The following ZNF385D variants were observed in gnomAD, a reference collection of about 807,000 sequenced individuals.
ZNF385D encodes the protein zinc finger protein 659.
A neutral mutation model predicts 35.8 loss-of-function variants in ZNF385D; 15 were observed. The observed-to-expected ratio is 0.42, with a 90% CI of 0.28 to 0.64. The LOEUF is 0.64. ZNF385D is among the 30% of genes least tolerant of loss of function. The probability of loss-of-function intolerance (pLI) is 0.23; values close to 1 mark genes in which losing one functional copy is unlikely to be tolerated. For missense variants in ZNF385D, 474 were observed against 494.6 expected (o/e 0.96, Z 0.39); for synonymous variants, 212 against 186.8 (o/e 1.13, Z -1.10).
chr3:21,563,331 T>A (rs927127412), intron 3 of ZNF385D: 1 of 152,426 alleles, frequency 6.6e-6, no homozygotes, highest in Non-Finnish European at 1.5e-5. Flanking sequence ...AATAAATTTC[T>A]GTTGTTTATA....
chr3:22,033,856 T>TA (rs1278853418), intron 3 of ZNF385D, among the ~76,000 whole-genome samples: 3 of 152,110 alleles, frequency 2.0e-5, no homozygotes, highest in Non-Finnish European at 4.4e-5. Flanking sequence ...TTCTCTAAAT[T>TA]AAAATCTATA....
At chr3:22,251,101 T>A (rs1055140603) in intron 2 of ZNF385D, among the ~76,000 whole-genome samples, 2 of 152,140 alleles carry the variant, frequency 1.3e-5, no homozygotes, top group African/African-American at 4.8e-5. Flanking sequence ...ATTTCAGTAT[T>A]TATTCAGGTT....
At chr3:22,279,506 A>ATG (rs1373617265) in intron 2 of ZNF385D, among the ~76,000 whole-genome samples, 1 of 138,296 alleles carries the variant, frequency 7.2e-6, no homozygotes, top group African/African-American at 3.1e-5. Context: ...ATATGTACAT[A>ATG]TATATGTATA....
chr3:21,897,155 T>G (rs1311362230), intron 3 of ZNF385D, among the ~76,000 whole-genome samples: 1 of 152,160 alleles, frequency 6.6e-6, no homozygotes, highest in Non-Finnish European at 1.5e-5. Flanking sequence ...TCTGCTAGTT[T>G]GGAGGGGTTT....
rs555193044 is a variant in ZNF385D at position 21,817,086 on chromosome 3, G to T, written c.326-152058C>A. 1.4e-4 allele frequency among the ~76,000 whole-genome samples: 22 copies of T among 152,242 alleles called. No homozygotes were observed. In the East Asian group the frequency reaches 4.1e-3, roughly 28 times the overall value. ...CTGACAAAAACAAGAAATGGGGAAA[G>T]GATTCCCTATTTAATAAATGGTGCT... On this transcript the variant is annotated intron_variant, in intron 3 of 5. Coordinates refer to the ZNF385D transcript ENST00000494108.
chr3:21,572,324 AATG>A (rs2063359539), intron 2 of ZNF385D, among the ~76,000 whole-genome samples: 1 of 152,170 alleles, frequency 6.6e-6, no homozygotes, highest in Non-Finnish European at 1.5e-5. Context: ...ATAATATGGA[AATG>A]ATATTTATTT....
chr3:21,557,206 A>G (rs1342032588), intron 3 of ZNF385D, among the ~76,000 whole-genome samples: 1 of 152,162 alleles, frequency 6.6e-6, no homozygotes, highest in Non-Finnish European at 1.5e-5. Context: ...GCTATGTTGA[A>G]TAGGAGTGGT....
chr3:22,228,432 G>A (rs888686700), intron 2 of ZNF385D, among the ~76,000 whole-genome samples: 2 of 152,122 alleles, frequency 1.3e-5, no homozygotes, highest in African/African-American at 4.8e-5. Context: ...CTTCACCTGG[G>A]TTCCATGTGG....
chr3:22,166,528 T>C (rs1297192128), intron 3 of ZNF385D, among the ~76,000 whole-genome samples: 2 of 152,206 alleles, frequency 1.3e-5, no homozygotes, highest in African/African-American at 2.4e-5. Flanking sequence ...TATTAACTGA[T>C]GTTATCCTCA....
intron 2 of ZNF385D, among the ~76,000 whole-genome samples, chr3:22,178,906 A>G (rs918596627): frequency 6.6e-5 from 10 of 152,040 alleles, no homozygotes; most frequent in Non-Finnish European, 1.3e-4. Flanking sequence ...GATATGTGGC[A>G]TTATTTCTGA....
chr3:21,769,988 C>T (rs537167382), intron 3 of ZNF385D, among the ~76,000 whole-genome samples: 13 of 152,124 alleles, frequency 8.5e-5, no homozygotes, highest in East Asian at 1.9e-4. Context: ...CAATGGGGAA[C>T]GGATTCCCTA....
At chr3:22,016,574 G>T (rs78881159) in intron 3 of ZNF385D, among the ~76,000 whole-genome samples, 2,232 of 152,036 alleles carry the variant, frequency 0.015, 21 homozygotes, top group Non-Finnish European at 0.02. Flanking sequence ...ATTTCAGAAC[G>T]GGCATGTGAT....
chr3:21,474,014 G>A (rs966540444), intron 4 of ZNF385D, among the ~76,000 whole-genome samples: 25 of 151,954 alleles, frequency 1.6e-4, no homozygotes, highest in African/African-American at 5.1e-4. Flanking sequence ...ATATATGTGT[G>A]TGTGTATATA....
chr3:22,002,859 T>C (rs978431060), intron 3 of ZNF385D, among the ~76,000 whole-genome samples: 1 of 152,116 alleles, frequency 6.6e-6, no homozygotes, highest in African/African-American at 2.4e-5. Context: ...TCAATAGATG[T>C]AGAAAAATTC....
chr3:22,323,052 A>G (rs1694515442), intron 2 of ZNF385D, among the ~76,000 whole-genome samples: 1 of 152,020 alleles, frequency 6.6e-6, no homozygotes, highest in Non-Finnish European at 1.5e-5. Context: ...CTCAACCCCC[A>G]CGGACAGGAA....
intron 2 of ZNF385D, among the ~76,000 whole-genome samples, chr3:22,355,540 A>G (rs904228238): frequency 6.6e-6 from 1 of 152,004 alleles, no homozygotes; most frequent in Non-Finnish European, 1.5e-5. Context: ...AAAAGCAACT[A>G]AGACAAAGAA....
chr3:21,886,604 C>G (rs796125603), intron 3 of ZNF385D, among the ~76,000 whole-genome samples: 1 of 151,996 alleles, frequency 6.6e-6, no homozygotes, highest in Non-Finnish European at 1.5e-5. Flanking sequence ...CAGGCCTAGT[C>G]TCATGGAATC....
chr3:22,216,806 T>C (rs1161810746), intron 2 of ZNF385D, among the ~76,000 whole-genome samples: 3 of 152,062 alleles, frequency 2.0e-5, no homozygotes, highest in Admixed American at 2.0e-4. Context: ...CAATGAAAAA[T>C]TATTGGCAGT....
At chr3:21,891,333 T>TA (rs1698854766) in intron 3 of ZNF385D, among the ~76,000 whole-genome samples, 2 of 152,170 alleles carry the variant, frequency 1.3e-5, no homozygotes, top group South Asian at 2.1e-4. Flanking sequence ...AAAAAAAATA[T>TA]AAAAAAATAC....
Sources: allele counts gnomAD v4.1 joint callset (sites outside exome capture counted in the v4.1 genomes callset), GRCh38; gene constraint gnomAD v4.1.1; transcripts MANE v1.5; gene names NCBI Gene and HGNC (gene_info 2026-07-23, HGNC 2026-07-21).